CSK: variants seen among roughly 807,000 people sequenced by gnomAD.
The protein encoded by CSK is C-terminal Src kinase, also known as tyrosine-protein kinase CSK.
Under a neutral mutation model 62.3 loss-of-function variants are expected in CSK, and 7 were observed. The observed-to-expected ratio is 0.11, with a 90% CI of 0.06 to 0.21. CSK has a LOEUF of 0.21. CSK is among the 10% of genes least tolerant of loss of function. CSK has a pLI of 1.00. For missense variants in CSK, 294 were observed against 613.5 expected (o/e 0.48, Z 5.50); for synonymous variants, 237 against 246.0 (o/e 0.96, Z 0.34).
chr15:74,783,132 A>G (rs1425112726), intron 1 of CSK, among the ~76,000 whole-genome samples: 10 of 151,990 alleles, frequency 6.6e-5, no homozygotes, highest in Admixed American at 2.0e-4. Flanking sequence ...CCCCTCCCTC[A>G]TTACCCCACC....
In CSK at chr15:74,801,901, C is replaced by T; in HGVS notation, c.1083+11C>T. On this transcript the variant is annotated intron_variant, in intron 11 of 12. Transcript: ENST00000220003. ...GCCCTGAGAGAGAAGGTGGGGCTGG[C>T]CTCCCCTGGGGCCTACAGAGGTGGG... is the stretch of plus-strand genomic sequence containing the variant. The T allele has an allele frequency of 6.2e-7, 1 of 1,608,728 alleles. No homozygotes were observed. Among genetic ancestry groups the T allele is most frequent in the Admixed American group, 1.7e-5 (1 of 59,836 alleles).
intron 1 of CSK, among the ~76,000 whole-genome samples, chr15:74,790,269 C>T (rs140983807): frequency 6.6e-6 from 1 of 152,336 alleles, no homozygotes; most frequent in East Asian, 1.9e-4. Flanking sequence ...GGCTCCCACG[C>T]CCCATTAGGC....
Position 74,801,191 on chromosome 15 carries a change from C to T in CSK, c.813+89C>T, listed in dbSNP as rs375310133. The T allele has an allele frequency of 3.4e-5, 49 of 1,459,594 alleles. No homozygotes were observed. The East Asian group carries it at 3.4e-4, about 10-fold the overall frequency. The allele number at this position is 1,459,594 out of a possible 1,614,324, so 90.4% of individuals were successfully genotyped here. On this transcript the variant is annotated intron_variant, in intron 9 of 12. Transcript: ENST00000220003. ...TAGGGCCCCTGCTCCCTCAGTCCCC[C>T]GACCCCAAGTGAGCTTTTAGGTCAC...
chr15:74,787,702 C>T (rs973291436), intron 1 of CSK, among the ~76,000 whole-genome samples: 6 of 152,100 alleles, frequency 3.9e-5, no homozygotes, highest in African/African-American at 1.2e-4. Flanking sequence ...GGCCCAGAGT[C>T]GAAGGAACAA....
intron 1 of CSK, among the ~76,000 whole-genome samples, chr15:74,790,457 G>A (rs969562449): frequency 6.6e-6 from 1 of 152,192 alleles, no homozygotes; most frequent in Non-Finnish European, 1.5e-5. Context: ...CACAAGAAAG[G>A]CTGCCTGAGG....
At chr15:74,789,540 A>G (rs1182496999) in intron 1 of CSK, among the ~76,000 whole-genome samples, 3 of 152,166 alleles carry the variant, frequency 2.0e-5, no homozygotes, top group African/African-American at 7.2e-5. Flanking sequence ...CGCCCTCCTC[A>G]GGTGCACTGC....
Position 74,782,164 on chromosome 15 carries a change from C to T in CSK, c.-622C>T, listed in dbSNP as rs1220172339. 2 of 149,054 alleles carry T rather than the reference C, an allele frequency of 1.3e-5. No individual in the cohort carries two copies. Among genetic ancestry groups the T allele is most frequent in the East Asian group, 1.9e-4 (1 of 5,150 alleles). 9.2% of individuals were successfully genotyped at this position (149,054 alleles called of 1,614,324 possible). ...GCGAGCCGAGGTTGGCCGCCGCCGC[C>T]GCCGAGCCCGCTGCCGCCCTCCCGC... On this transcript the variant is annotated 5_prime_UTR_variant, in exon 1 of 13. Coordinates refer to ENST00000220003, the MANE Select transcript of CSK (RefSeq NM_004383.3). This position sits in a 1 kb window ranked among gnomAD's most constrained non-coding sequence, Gnocchi z 5.7.
Position 74,800,827 on chromosome 15 carries a change from G to T in CSK, c.627G>T (p.Val209=), listed in dbSNP as rs1237313068. 24 of 1,612,194 alleles carry T rather than the reference G, an allele frequency of 1.5e-5. No homozygotes were observed. Among genetic ancestry groups the T allele is most frequent in the Non-Finnish European group, 2.0e-5 (24 of 1,179,386 alleles). Residue 209 remains valine, a synonymous_variant, in exon 8 of 13, where the codon GTG becomes GTT. Transcript: ENST00000220003. ...AGACCACCTCTCTGCCCCCAGACGTGATGCTGGGCGATTACCGAGGGAACA... is the reference window on the plus strand; with the variant it reads ...AGACCACCTCTCTGCCCCCAGACGTTATGCTGGGCGATTACCGAGGGAACA... ...QTIGKGEFGD[V]MLGDYRGNKV...
chr15:74,802,134 G>A, intron 12 of CSK, 51 bp downstream of exon 12: 1 of 1,582,278 alleles, frequency 6.3e-7, no homozygotes, highest in Non-Finnish European at 8.6e-7. Flanking sequence ...CGGAGGGGTT[G>A]GCAGGGGCGT....
Position 74,800,837 on chromosome 15 carries a change from G to T in CSK, c.637G>T (p.Asp213Tyr). 1 of 1,612,902 alleles carries T rather than the reference G, an allele frequency of 6.2e-7. No individual in the cohort carries two copies. The highest frequency in any genetic ancestry group is 8.5e-7 in the Non-Finnish European group (1 of 1,179,666). Reference sequence around the variant, plus strand: ...TCTGCCCCCAGACGTGATGCTGGGCGATTACCGAGGGAACAAAGTCGCCGT... The same window carrying T: ...TCTGCCCCCAGACGTGATGCTGGGCTATTACCGAGGGAACAAAGTCGCCGT... The part of the protein sequence containing the change: ...KGEFGDVMLG[D>Y]YRGNKVAVKC... Residue 213 changes from aspartate to tyrosine, a missense_variant, in exon 8 of 13, where the codon GAT (aspartate) becomes TAT (tyrosine). Physicochemically the swap from Asp to Tyr is radical, Grantham distance 160. Coordinates refer to ENST00000220003, the MANE Select transcript of CSK (RefSeq NM_004383.3).
At position 74,803,193 on chromosome 15, in the gene CSK, A is replaced by G. The variant is rs938479258; in HGVS notation, c.*680A>G. ...CGCCGCCCGCCTCGGCGCTTCCTCC[A>G]CCGAGCCTGCTTGTCCTGCCCGGTC... is the stretch of plus-strand genomic sequence containing the variant. On this transcript the variant is annotated 3_prime_UTR_variant, in exon 13 of 13. Transcript: ENST00000220003. 1.3e-5 allele frequency: 2 copies of G among 152,568 alleles called. No homozygotes were observed. The highest frequency in any genetic ancestry group is 6.6e-5 in the Admixed American group (1 of 15,264). The allele number at this position is 152,568 out of a possible 1,614,324, so 9.5% of individuals were successfully genotyped here.
At chr15:74,796,624 A>T (rs1459745343) in intron 1 of CSK, among the ~76,000 whole-genome samples, 1 of 152,082 alleles carries the variant, frequency 6.6e-6, no homozygotes, top group Non-Finnish European at 1.5e-5. Context: ...AGAAAAAGAA[A>T]AAATCCATGT....
intron 1 of CSK, among the ~76,000 whole-genome samples, chr15:74,785,495 A>C (rs1283557139): frequency 6.6e-6 from 1 of 152,216 alleles, no homozygotes; most frequent in Non-Finnish European, 1.5e-5. Flanking sequence ...CCCAGGGTAG[A>C]GGGACCTTAG....
chr15:74,785,387 C>CG (rs1363627670), intron 1 of CSK, among the ~76,000 whole-genome samples: 1 of 152,126 alleles, frequency 6.6e-6, no homozygotes, highest in Non-Finnish European at 1.5e-5. Context: ...TTGTGGTTGT[C>CG]GTTACTATGA....
intron 1 of CSK, among the ~76,000 whole-genome samples, chr15:74,785,111 A>G (rs1555464484): frequency 6.6e-6 from 1 of 152,160 alleles, no homozygotes; most frequent in Non-Finnish European, 1.5e-5. Flanking sequence ...ATCACCCACT[A>G]TTTCTTCAGC....
intron 1 of CSK, among the ~76,000 whole-genome samples, chr15:74,794,751 C>G (rs1278560464): frequency 6.6e-6 from 1 of 152,124 alleles, no homozygotes; most frequent in East Asian, 1.9e-4. Flanking sequence ...AGGTATTAAG[C>G]CCAGGCCTGA....
At position 74,802,676 on chromosome 15, in the gene CSK, G is replaced by GACCC; in HGVS notation, c.*167_*170dup. The GACCC allele has an allele frequency of 1.2e-6, 1 of 869,454 alleles. No individual in the cohort carries two copies. Among genetic ancestry groups the GACCC allele is most frequent in the Non-Finnish European group, 1.7e-6 (1 of 601,060 alleles). 53.9% of individuals were successfully genotyped at this position (869,454 alleles called of 1,614,324 possible). On this transcript the variant is annotated 3_prime_UTR_variant, in exon 13 of 13. Transcript: ENST00000220003. Reference sequence around the variant, plus strand: ...CACCCCTCCGGCCCCGTCTCTCTTGGACCCACCTGTGGGGCCTGGGGAGCC... The same window carrying GACCC: ...CACCCCTCCGGCCCCGTCTCTCTTGGACCCACCCACCTGTGGGGCCTGGGGAGCC...
chr15:74,801,994 C>T lies in CSK; in HGVS notation c.1084-3C>T. The T allele has an allele frequency of 2.5e-6, 4 of 1,613,644 alleles. No individual in the cohort carries two copies. The highest frequency in any genetic ancestry group is 3.4e-6 in the Non-Finnish European group (4 of 1,179,714). ...GACGCTGCTTCTTCCATCCACATGG[C>T]AGAAATTCTCCACTAAGTCTGACGT... On this transcript the variant is annotated splice_region_variant and splice_polypyrimidine_tract_variant and intron_variant, in intron 11 of 12. Coordinates refer to ENST00000220003, the MANE Select transcript of CSK (RefSeq NM_004383.3).
At chr15:74,792,292 G>C (rs1313255723) in intron 1 of CSK, among the ~76,000 whole-genome samples, 1 of 152,148 alleles carries the variant, frequency 6.6e-6, no homozygotes, top group Non-Finnish European at 1.5e-5. Context: ...CCAAGGTTGA[G>C]TGGAAGTCCC....
Sources: gnomAD v4.1 joint callset for allele counts (sites outside exome capture counted in the v4.1 genomes callset) on GRCh38, gnomAD v4.1.1 for gene constraint, Gnocchi (gnomAD v3.1) non-coding constraint, MANE v1.5 for transcripts, NCBI Gene and HGNC (gene_info 2026-07-23, HGNC 2026-07-21) for gene names.